EP400: variants seen among roughly 807,000 people sequenced by gnomAD.
The protein encoded by EP400 is E1A binding protein p400, also known as E1A-binding protein p400.
In EP400, 105 loss-of-function variants were observed where a neutral mutation model predicts 354.1. That is an observed-to-expected ratio of 0.30 (90% CI 0.25 to 0.35). The LOEUF (loss-of-function observed/expected upper bound fraction) is 0.35, where lower values mean the gene tolerates loss of function less well. EP400 is among the 10% of genes least tolerant of loss of function. The probability of loss-of-function intolerance (pLI) is 1.00; values close to 1 mark genes in which losing one functional copy is unlikely to be tolerated. For missense variants in EP400, 3,280 were observed against 4,121.0 expected, an observed-to-expected ratio of 0.80 and a Z score of 5.59; for synonymous variants, 1,646 against 1,716.9, an observed-to-expected ratio of 0.96 and a Z score of 1.02.
At chr12:131,971,160 T>C (rs1198664199) in intron 2 of EP400, among the ~76,000 whole-genome samples, 2 of 151,998 alleles carry the variant, frequency 1.3e-5, no homozygotes, top group Admixed American at 6.6e-5. Context: ...GCTGTGATTG[T>C]GCCACTACAC....
chr12:131,965,562 A>G (rs1191153382), intron 2 of EP400, among the ~76,000 whole-genome samples: 1 of 152,238 alleles, frequency 6.6e-6, no homozygotes, highest in Non-Finnish European at 1.5e-5. Context: ...TGACGAATCC[A>G]TTGAGTTGTG....
intron 1 of EP400, among the ~76,000 whole-genome samples, chr12:131,952,267 C>T (rs1400678852): frequency 4.0e-4 from 53 of 134,036 alleles, no homozygotes; most frequent in Non-Finnish European, 5.6e-4. Flanking sequence ...TGCGCCACTG[C>T]ACTCCAGCCT....
At chr12:131,977,215 C>A (rs1277693610) in intron 2 of EP400, among the ~76,000 whole-genome samples, 1 of 152,178 alleles carries the variant, frequency 6.6e-6, no homozygotes, top group Non-Finnish European at 1.5e-5. Context: ...CGGCTCACTG[C>A]AAGCTCTGCC....
At chr12:132,006,614 C>A in intron 14 of EP400, 86 bp from the exon 15 acceptor site, 1 of 1,331,982 alleles carries the variant, frequency 7.5e-7, no homozygotes, top group Non-Finnish European at 1.0e-6. Context: ...ATTGGTTTAT[C>A]ATGTGACTGT....
chr12:132,046,737 G>A (rs1196319819), intron 39 of EP400, among the ~76,000 whole-genome samples: 1 of 152,196 alleles, frequency 6.6e-6, no homozygotes, highest in Non-Finnish European at 1.5e-5. Flanking sequence ...TCTTCAGGCA[G>A]CTCCTTCTTG....
In EP400 at chr12:132,064,709, C is replaced by T. The variant is rs139518186; in HGVS notation, c.8376C>T (p.Pro2792=). Residue 2792 remains proline, a synonymous_variant, in exon 48 of 53, where the codon CCC becomes CCT. Coordinates refer to ENST00000389561, the MANE Select transcript of EP400 (RefSeq NM_015409.5). Reference sequence around the variant, plus strand: ...TGCAGAAGCAGAAACTGCAGATGCCCCCGCAGCCCCCACCGCCACAGGCCC... The same window carrying T: ...TGCAGAAGCAGAAACTGCAGATGCCTCCGCAGCCCCCACCGCCACAGGCCC... The part of the protein sequence containing the change: ...IKMQKQKLQM[P]PQPPPPQAQS... The T allele has an allele frequency of 5.5e-4, 886 of 1,613,502 alleles. 1 individual carries two copies. Among genetic ancestry groups the T allele is most frequent in the Non-Finnish European group, 6.8e-4 (802 of 1,179,612 alleles).
chr12:132,028,014 A>C lies in EP400; in HGVS notation c.5110-3A>C, dbSNP rs1222821385. 1.9e-6 allele frequency: 3 copies of C among 1,607,312 alleles called. No individual in the cohort carries two copies. Among genetic ancestry groups the C allele is most frequent in the South Asian group, 1.1e-5 (1 of 90,896 alleles). On this transcript the variant is annotated splice_region_variant and splice_polypyrimidine_tract_variant and intron_variant, in intron 26 of 52. Coordinates refer to ENST00000389561, the MANE Select transcript of EP400 (RefSeq NM_015409.5). ...AACTGTTTTTCATCACTTTTTGATA[A>C]AGGAGGAAAAGACCAGACTCTTGAA...
At chr12:132,051,460 AC>A (rs1218351961) in intron 41 of EP400, among the ~76,000 whole-genome samples, 1 of 152,202 alleles carries the variant, frequency 6.6e-6, no homozygotes. Flanking sequence ...CTCAGGCAGG[AC>A]AAGGAGTGTG....
chr12:131,997,256 A>C (rs1893245429), intron 12 of EP400, among the ~76,000 whole-genome samples: 1 of 151,446 alleles, frequency 6.6e-6, no homozygotes, highest in South Asian at 2.1e-4. Context: ...CACATATTTT[A>C]TGTGGTTTTT....
chr12:132,019,646 G>A (rs1371148534), intron 21 of EP400, among the ~76,000 whole-genome samples: 1 of 152,180 alleles, frequency 6.6e-6, no homozygotes, highest in Non-Finnish European at 1.5e-5. Context: ...AGGCAACAGT[G>A]AACCATCACT....
In EP400 at chr12:132,006,884, G is replaced by A. The variant is rs753800965; in HGVS notation, c.3304+7G>A. The A allele has an allele frequency of 1.1e-5, 17 of 1,613,636 alleles. No individual in the cohort carries two copies. The highest frequency in any genetic ancestry group is 3.3e-4 in the Middle Eastern group (2 of 6,082). On this transcript the variant is annotated splice_region_variant and intron_variant, in intron 15 of 52. Coordinates refer to ENST00000389561, the MANE Select transcript of EP400 (RefSeq NM_015409.5). ...CACCTAGCTTGTAACGAAGGTAAGA[G>A]TTTGCTAGTTTTTTTAACAATACCT...
At chr12:132,066,093 T>C (rs1895881715) in intron 48 of EP400, 1 of 152,230 alleles carries the variant, frequency 6.6e-6, no homozygotes, top group African/African-American at 2.4e-5. Flanking sequence ...TAAGCAATTT[T>C]GAAAGTGGTT....
At chr12:132,069,278 G>T in intron 50 of EP400, 1 of 583,190 alleles carries the variant, frequency 1.7e-6, no homozygotes. Context: ...GCCTCCTGGA[G>T]GAGAAGCTGG....
intron 1 of EP400, among the ~76,000 whole-genome samples, chr12:131,952,302 CAAAAAAAAAAAAAA>C (rs927214848): frequency 2.1e-5 from 1 of 47,044 alleles, no homozygotes; most frequent in Non-Finnish European, 4.5e-5. Context: ...GACTCTGTCT[CAAAAAAAAAAAAAA>C]AAAAAAAAAG....
Position 132,018,143 on chromosome 12 carries a change from A to G in EP400, c.4111-67A>G. On this transcript the variant is annotated intron_variant, in intron 20 of 52. Coordinates refer to ENST00000389561, the MANE Select transcript of EP400 (RefSeq NM_015409.5). This position sits in a 1 kb window ranked among gnomAD's most constrained non-coding sequence, Gnocchi z 4.0. ...ACGTTAGGGCCCTGCCATAGAAATC[A>G]GTTTTGATTCTTAGGTGCTTTTTTT... The G allele has an allele frequency of 1.3e-6, 2 of 1,587,018 alleles. No individual in the cohort carries two copies. The highest frequency in any genetic ancestry group is 1.7e-6 in the Non-Finnish European group (2 of 1,170,034).
Position 132,037,949 on chromosome 12 carries a change from T to G in EP400, c.6064-4T>G, listed in dbSNP as rs761982289. 7.4e-6 allele frequency: 12 copies of G among 1,614,084 alleles called. No individual in the cohort carries two copies. In the African/African-American group the frequency reaches 1.3e-4, roughly 18 times the overall value. ...TGGGGAGTAACACACATCTCTGTGTTCAGCGAACCATCCAGGAGCTGTTTG... is the reference window on the plus strand; with the variant it reads ...TGGGGAGTAACACACATCTCTGTGTGCAGCGAACCATCCAGGAGCTGTTTG... On this transcript the variant is annotated splice_polypyrimidine_tract_variant and splice_region_variant and intron_variant, in intron 31 of 52. Transcript: ENST00000389561.
chr12:131,990,763 C>A lies in EP400; in HGVS notation c.2629+49C>A. The A allele has an allele frequency of 1.4e-6, 2 of 1,416,142 alleles. No individual in the cohort carries two copies. The highest frequency in any genetic ancestry group is 2.0e-6 in the Non-Finnish European group (2 of 1,017,144). 87.7% of individuals were successfully genotyped at this position (1,416,142 alleles called of 1,614,324 possible). On this transcript the variant is annotated intron_variant, in intron 9 of 52. Coordinates refer to ENST00000389561, the MANE Select transcript of EP400 (RefSeq NM_015409.5). The surrounding 1 kb of genome is among the most constrained non-coding windows in gnomAD (Gnocchi z 4.2). ...CACCACGCTTGGGTGGTATTTTGTT[C>A]GGATTCTTTTCTCAGCAGGCAGTCT... is the stretch of plus-strand genomic sequence containing the variant.
At chr12:132,071,523 CTG>C (rs200101247) in intron 51 of EP400, among the ~76,000 whole-genome samples, 2,652 of 152,308 alleles carry the variant, frequency 0.017, 41 homozygotes, top group Non-Finnish European at 0.026. Flanking sequence ...TGGCAGGCAG[CTG>C]TGTGTGCTTG....
intron 1 of EP400, among the ~76,000 whole-genome samples, chr12:131,952,564 A>G (rs1196077046): frequency 2.6e-5 from 4 of 152,044 alleles, no homozygotes; most frequent in Non-Finnish European, 5.9e-5. Context: ...CTTGAGCTCA[A>G]GTGATCTCCT....
Sources: allele counts gnomAD v4.1 joint callset (sites outside exome capture counted in the v4.1 genomes callset), GRCh38; gene constraint gnomAD v4.1.1; non-coding constraint Gnocchi (gnomAD v3.1); transcripts MANE v1.5; gene names NCBI Gene and HGNC (gene_info 2026-07-23, HGNC 2026-07-21).